DGKE: variants seen among roughly 807,000 people sequenced by gnomAD.
DGKE encodes diacylglycerol kinase epsilon.
Under a neutral mutation model 70.0 loss-of-function variants are expected in DGKE, and 53 were observed. That is an observed-to-expected ratio of 0.76 (90% CI 0.61 to 0.95). The LOEUF is 0.95. Ranked by LOEUF, DGKE falls within the 40% of genes least tolerant of loss-of-function variation. The probability of loss-of-function intolerance (pLI) is 0.00; values close to 1 mark genes in which losing one functional copy is unlikely to be tolerated. For synonymous variants in DGKE, 291 were observed against 257.0 expected (o/e 1.13, Z -1.27); for missense variants, 655 against 706.9 (o/e 0.93, Z 0.83).
intron 2 of DGKE, 170 bp downstream of exon 2, chr17:56,835,429 T>A: frequency 1.4e-6 from 1 of 712,182 alleles, no homozygotes; most frequent in Non-Finnish European, 2.2e-6. Flanking sequence ...AGCTTTGCAG[T>A]AGTCATTTGC....
chr17:56,863,069 T>C lies in DGKE; in HGVS notation c.*278T>C, dbSNP rs1908388053. ...GAGTGAAAATTTGTTATGACTGTTT[T>C]GAGAGTGGGACTCACTCTGAAGTAT... is the stretch of plus-strand genomic sequence containing the variant. On this transcript the variant is annotated 3_prime_UTR_variant, in exon 12 of 12. Coordinates refer to ENST00000284061, the MANE Select transcript of DGKE (RefSeq NM_003647.3). 1 of 266,404 alleles carries C rather than the reference T, an allele frequency of 3.8e-6. No homozygotes were observed. The highest frequency in any genetic ancestry group is 7.0e-6 in the Non-Finnish European group (1 of 143,238). The allele number at this position is 266,404 out of a possible 1,614,324, so 16.5% of individuals were successfully genotyped here.
Position 56,848,821 on chromosome 17 carries a change from T to C in DGKE, c.1014T>C (p.Asn338=), listed in dbSNP as rs566612092. ...GEIPVAQVLR[N]VMEADGIKLD... is the part of the protein sequence containing the mutation. The stretch of plus-strand genomic sequence containing the variant: ...TTCCAGTTGCGCAGGTTTTGCGAAA[T>C]GTAATGGAAGCAGATGGAATTAAAC... Residue 338 remains asparagine (N), a synonymous_variant, in exon 6 of 12, where the codon AAT becomes AAC. Transcript: ENST00000284061. The C allele has an allele frequency of 3.7e-6, 6 of 1,614,158 alleles. No individual in the cohort carries two copies. The highest frequency in any genetic ancestry group is 2.7e-5 in the African/African-American group (2 of 75,054).
intron 2 of DGKE, among the ~76,000 whole-genome samples, chr17:56,838,059 T>C (rs906188952): frequency 2.0e-5 from 3 of 152,232 alleles, no homozygotes; most frequent in Non-Finnish European, 4.4e-5. Flanking sequence ...TTCAATATAT[T>C]TATTAAATGA....
intron 2 of DGKE, among the ~76,000 whole-genome samples, chr17:56,842,409 G>A (rs1445622680): frequency 6.6e-6 from 1 of 152,132 alleles, no homozygotes; most frequent in Admixed American, 6.6e-5. Flanking sequence ...AAACCATTAT[G>A]AAATAATTCA....
chr17:56,843,927 T>A (rs375344244), intron 2 of DGKE, 92 bp from the exon 3 acceptor site: 30 of 1,245,100 alleles, frequency 2.4e-5, no homozygotes, highest in Middle Eastern at 2.1e-4. Context: ...GATAAAATTA[T>A]GTTTTATTTT....
chr17:56,843,717 G>A (rs932596720), intron 2 of DGKE, among the ~76,000 whole-genome samples: 3 of 150,006 alleles, frequency 2.0e-5, no homozygotes, highest in African/African-American at 7.4e-5. Context: ...AGAATCACTT[G>A]ATCCTGGGAG....
Position 56,835,231 on chromosome 17 carries a change from G to A in DGKE, c.436G>A (p.Gly146Ser). 6.2e-7 allele frequency: 1 copy of A among 1,612,792 alleles called. No homozygotes were observed. The highest frequency in any genetic ancestry group is 1.3e-5 in the African/African-American group (1 of 75,042). Residue 146 changes from glycine (G) to serine (S), a missense_variant, in exon 2 of 12, where the codon GGC becomes AGC. Gly to Ser is a moderately conservative substitution (Grantham distance 56). Coordinates refer to ENST00000284061, the MANE Select transcript of DGKE (RefSeq NM_003647.3). ...SYCMVCKQQC[G>S]CQPKLCDYRC... ...CTGTATGGTTTGCAAGCAGCAGTGT[G>A]GCTGTCAACCCAAGCTTTGCGATTA...
intron 9 of DGKE, among the ~76,000 whole-genome samples, chr17:56,861,269 G>A (rs1235838116): frequency 1.3e-5 from 1 of 74,224 alleles, no homozygotes; most frequent in East Asian, 1.1e-3. Context: ...AAGAGAAGGA[G>A]GAGGGGAAGA....
chr17:56,841,381 T>A (rs1262861945), intron 2 of DGKE, among the ~76,000 whole-genome samples: 6 of 152,110 alleles, frequency 3.9e-5, no homozygotes, highest in African/African-American at 1.2e-4. Flanking sequence ...CACTGAAGCA[T>A]GTTTGCAATA....
chr17:56,855,206 G>A (rs945768511), intron 7 of DGKE, among the ~76,000 whole-genome samples: 13 of 149,874 alleles, frequency 8.7e-5, no homozygotes, highest in East Asian at 5.8e-4. Context: ...TTTTTTTAAA[G>A]AACAACTAGG....
intron 2 of DGKE, chr17:56,836,032 C>T (rs1906596029): frequency 1.3e-5 from 2 of 152,242 alleles, no homozygotes; most frequent in African/African-American, 2.4e-5. Context: ...TAGGTCCACT[C>T]TGGTAAAATA....
chr17:56,860,097 A>G (rs890094272), intron 9 of DGKE, among the ~76,000 whole-genome samples: 1 of 152,246 alleles, frequency 6.6e-6, no homozygotes, highest in Non-Finnish European at 1.5e-5. Context: ...CTGACATTTT[A>G]TTTATATAAA....
intron 7 of DGKE, among the ~76,000 whole-genome samples, chr17:56,850,549 T>TA (rs1464568784): frequency 2.6e-5 from 4 of 152,064 alleles, no homozygotes; most frequent in African/African-American, 9.7e-5. Flanking sequence ...AGAATTACAG[T>TA]AGGTGGGTGA....
intron 2 of DGKE, among the ~76,000 whole-genome samples, chr17:56,836,680 C>G (rs1906642535): frequency 6.6e-6 from 1 of 152,218 alleles, no homozygotes; most frequent in South Asian, 2.1e-4. Context: ...AATTGCTCCC[C>G]ATCGGGTAAG....
rs182924419 is a variant in DGKE at position 56,840,966 on chromosome 17, A to T, written c.465-3053A>T. On this transcript the variant is annotated intron_variant, in intron 2 of 11. Transcript: ENST00000284061. ...GTGAGACACTGTCTCTTAAAAAAAAATTTTTGGCCAGACTCGGTGGCTCAC... is the reference window on the plus strand; with the variant it reads ...GTGAGACACTGTCTCTTAAAAAAAATTTTTTGGCCAGACTCGGTGGCTCAC... Among the ~76,000 whole-genome samples the T allele has an allele frequency of 2.1e-3, 322 of 152,002 alleles. 2 individuals carry two copies. Among genetic ancestry groups the T allele is most frequent in the Non-Finnish European group, 3.6e-3 (244 of 67,954 alleles).
Position 56,866,985 on chromosome 17 carries a change from C to G in DGKE, c.*4194C>G, listed in dbSNP as rs997360976. The G allele has an allele frequency of 6.6e-6, 1 of 152,136 alleles. No homozygotes were observed. The highest frequency in any genetic ancestry group is 2.1e-4 in the South Asian group (1 of 4,830). 9.4% of individuals were successfully genotyped at this position (152,136 alleles called of 1,614,324 possible). Reference sequence around the variant, plus strand: ...TTAGAATGTGGCCACTTGGCTGTTTCACAGTTTTTAAAGCTATTTTATTGA... The same window carrying G: ...TTAGAATGTGGCCACTTGGCTGTTTGACAGTTTTTAAAGCTATTTTATTGA... On this transcript the variant is annotated 3_prime_UTR_variant, in exon 12 of 12. Transcript: ENST00000284061.
intron 7 of DGKE, among the ~76,000 whole-genome samples, chr17:56,851,834 A>T (rs1428286852): frequency 6.6e-6 from 1 of 152,248 alleles, no homozygotes; most frequent in Non-Finnish European, 1.5e-5. Context: ...ACATACCTCA[A>T]AAAAGGCTCT....
In DGKE at chr17:56,834,853, G is replaced by A. The variant is rs373335233; in HGVS notation, c.58G>A (p.Gly20Arg). Residue 20 changes from glycine (G) to arginine (R), a missense_variant, in exon 2 of 12, where the codon GGG becomes AGG. Coordinates refer to ENST00000284061, the MANE Select transcript of DGKE (RefSeq NM_003647.3). ...GCCCTCCGAGGGCCTGTTTGCGGAC[G>A]GGCACCTGATCTTGTGGACGCTGTG... ...GSPSEGLFAD[G>R]HLILWTLCSV... 3 of 1,611,684 alleles carry A rather than the reference G, an allele frequency of 1.9e-6. No homozygotes were observed. The highest frequency in any genetic ancestry group is 1.7e-6 in the Non-Finnish European group (2 of 1,179,062).
chr17:56,850,964 G>A (rs534862263), intron 7 of DGKE, among the ~76,000 whole-genome samples: 4 of 152,202 alleles, frequency 2.6e-5, no homozygotes, highest in African/African-American at 7.2e-5. Flanking sequence ...TACGGGAGTT[G>A]GTCCTTAAAA....
Sources: gnomAD v4.1 joint callset for allele counts (sites outside exome capture counted in the v4.1 genomes callset) on GRCh38, gnomAD v4.1.1 for gene constraint, MANE v1.5 for transcripts, NCBI Gene and HGNC (gene_info 2026-07-23, HGNC 2026-07-21) for gene names.